ZNF618: variants seen among roughly 807,000 people sequenced by gnomAD.
ZNF618 encodes the protein zinc finger protein 618.
ZNF618 carries 34 observed loss-of-function variants against 103.0 expected under a neutral mutation model. The observed-to-expected ratio is 0.33, with a 90% CI of 0.25 to 0.44. The LOEUF is 0.44. Among genes scored for constraint, ZNF618 ranks in the 20% least tolerant of loss-of-function variants. The pLI is 1.00. For synonymous variants in ZNF618, 551 were observed against 542.2 expected (o/e 1.02, Z -0.23); for missense variants, 1,059 against 1,295.4 (o/e 0.82, Z 2.80).
At chr9:114,013,765 G>A (rs925023320) in intron 9 of ZNF618, among the ~76,000 whole-genome samples, 14 of 152,160 alleles carry the variant, frequency 9.2e-5, no homozygotes, top group African/African-American at 3.4e-4. Flanking sequence ...GGAGGAATTG[G>A]GGAGGGCTTA....
intron 1 of ZNF618, among the ~76,000 whole-genome samples, chr9:113,961,479 T>C (rs1836837769): frequency 6.6e-6 from 1 of 152,230 alleles, no homozygotes; most frequent in South Asian, 2.1e-4. Context: ...AATAGGAACT[T>C]CATAAATATT....
chr9:114,033,389 A>AGAGAG (rs1844272832), intron 12 of ZNF618, among the ~76,000 whole-genome samples: 2 of 147,060 alleles, frequency 1.4e-5, no homozygotes, highest in East Asian at 2.1e-4. Flanking sequence ...CTGTCTCAAA[A>AGAGAG]AGAGAGAGAG....
At chr9:113,953,179 G>C (rs1361989940) in intron 1 of ZNF618, among the ~76,000 whole-genome samples, 1 of 152,200 alleles carries the variant, frequency 6.6e-6, no homozygotes, top group Non-Finnish European at 1.5e-5. Flanking sequence ...AGGTCACCCT[G>C]TTCGGCTCCC....
chr9:113,981,736 C>T (rs898928575), intron 2 of ZNF618, among the ~76,000 whole-genome samples: 4 of 152,190 alleles, frequency 2.6e-5, no homozygotes, highest in African/African-American at 9.6e-5. Flanking sequence ...TTAGTGACAA[C>T]AGTACCAGAA....
chr9:113,920,696 G>A (rs757659302), intron 1 of ZNF618, among the ~76,000 whole-genome samples: 10 of 152,254 alleles, frequency 6.6e-5, no homozygotes, highest in South Asian at 4.1e-4. Context: ...GCCACTGTGC[G>A]AGGCCAAGAG....
intron 1 of ZNF618, among the ~76,000 whole-genome samples, chr9:113,884,976 T>C (rs1828929147): frequency 6.6e-6 from 1 of 152,160 alleles, no homozygotes; most frequent in Non-Finnish European, 1.5e-5. Context: ...ATTAATTTGG[T>C]CTTGAGAAAT....
intron 1 of ZNF618, among the ~76,000 whole-genome samples, chr9:113,915,267 C>T (rs561996511): frequency 2.0e-5 from 3 of 152,256 alleles, no homozygotes; most frequent in East Asian, 3.9e-4. Context: ...CCCTGCCTGT[C>T]GTATGGTGGA....
Position 114,028,911 on chromosome 9 carries a change from C to G in ZNF618, c.1023C>G (p.Ala341=), listed in dbSNP as rs779745682. The G allele has an allele frequency of 1.3e-6, 2 of 1,550,694 alleles. No homozygotes were observed. Among genetic ancestry groups the G allele is most frequent in the East Asian group, 4.9e-5 (2 of 40,914 alleles). ...CATLLHRTPP[A]TQTQTFRTPN... is the part of the protein sequence containing the mutation. ...CCCTCTTACACCGCACCCCTCCAGC[C>G]ACCCAAACCCAGACGTTCCGCACTC... Residue 341 remains alanine (A), a synonymous_variant, in exon 11 of 15, where the codon GCC becomes GCG. Transcript: ENST00000374126.
intron 9 of ZNF618, among the ~76,000 whole-genome samples, chr9:114,014,903 A>G (rs1842531491): frequency 6.6e-6 from 1 of 152,190 alleles, no homozygotes; most frequent in Non-Finnish European, 1.5e-5. Flanking sequence ...ATGTTACTAA[A>G]TATAGTTCAC....
chr9:114,016,319 C>T (rs1339621777), intron 9 of ZNF618: 19 of 690,362 alleles, frequency 2.8e-5, no homozygotes, highest in South Asian at 1.1e-4. Context: ...AAGGGGCTGA[C>T]GAAGAGGTTG....
At chr9:113,971,360 C>T (rs1414710114) in intron 2 of ZNF618, among the ~76,000 whole-genome samples, 2 of 152,082 alleles carry the variant, frequency 1.3e-5, no homozygotes. Context: ...AAAGCTGGTG[C>T]TTTCTCCACT....
rs745754398 is a variant in ZNF618 at position 114,050,359 on chromosome 9, C to T, written c.*192C>T. On this transcript the variant is annotated 3_prime_UTR_variant, in exon 15 of 15. Coordinates refer to ENST00000374126, the MANE Select transcript of ZNF618 (RefSeq NM_001318042.2). Reference sequence around the variant, plus strand: ...ATGTACACAGCCACACGTGTGTGCACGTGTCTGAACACGTGCTGTGGTTGT... The same window carrying T: ...ATGTACACAGCCACACGTGTGTGCATGTGTCTGAACACGTGCTGTGGTTGT... 2.3e-5 allele frequency: 14 copies of T among 620,378 alleles called. No homozygotes were observed. Among genetic ancestry groups the T allele is most frequent in the African/African-American group, 9.3e-5 (5 of 53,920 alleles). 38.4% of individuals were successfully genotyped at this position (620,378 alleles called of 1,614,324 possible).
chr9:113,926,738 C>T (rs1362601719), intron 1 of ZNF618, among the ~76,000 whole-genome samples: 2 of 152,196 alleles, frequency 1.3e-5, no homozygotes, highest in Non-Finnish European at 2.9e-5. Flanking sequence ...CCCAAATCTG[C>T]ACTGTAGCTC....
rs181594762 is a variant in ZNF618, at chr9:113,891,124, G to A, written c.33+14711G>A. Among the ~76,000 whole-genome samples the A allele has an allele frequency of 1.1e-4, 17 of 152,238 alleles. No homozygotes were observed. The East Asian group carries it at 3.1e-3, about 28-fold the overall frequency. On this transcript the variant is annotated intron_variant, in intron 1 of 14. Coordinates refer to ENST00000374126, the MANE Select transcript of ZNF618 (RefSeq NM_001318042.2). ...ACTTTTTAAAAATATTTATATTTGT[G>A]TGTTTTGGATTCTTCGTGTGTATGT...
rs1199703398 is a variant in ZNF618 at position 114,028,753 on chromosome 9, C to A, written c.865C>A (p.Pro289Thr). The change falls in exon 11 of 15, where the codon CCA becomes ACA. Residue 289 changes from proline (P) to threonine (T), a missense_variant. Transcript: ENST00000374126. ...CTCAGGTACTGCCCCCGGGTGGGAG[C>A]CACCGGATGATCCAGACACGGGCTC... is the stretch of plus-strand genomic sequence containing the variant. ...APISTAPGWE[P>T]PDDPDTGSEC... is the part of the protein sequence containing the mutation. The A allele has an allele frequency of 6.5e-7, 1 of 1,550,274 alleles. No individual in the cohort carries two copies. The highest frequency in any genetic ancestry group is 1.4e-5 in the African/African-American group (1 of 73,024).
intron 1 of ZNF618, among the ~76,000 whole-genome samples, chr9:113,939,748 G>T (rs976262336): frequency 6.6e-6 from 1 of 151,638 alleles, no homozygotes; most frequent in Non-Finnish European, 1.5e-5. Context: ...TTAATATAAA[G>T]TCTTCCTTCC....
rs1163417405 is a variant in ZNF618, at chr9:113,900,668, C to G, written c.33+24255C>G. The stretch of plus-strand genomic sequence containing the variant: ...CGAGCTCCCGTCTCCTAGCACCGTC[C>G]TCTCCCGCAAACCCGACCTGCTGTC... On this transcript the variant is annotated intron_variant, in intron 1 of 14. Transcript: ENST00000374126. 2.7e-5 allele frequency among the ~76,000 whole-genome samples: 4 copies of G among 148,534 alleles called. No homozygotes were observed. The East Asian group carries it at 6.1e-4, about 23-fold the overall frequency.
At chr9:113,959,541 A>G (rs1564219733) in intron 1 of ZNF618, among the ~76,000 whole-genome samples, 1 of 152,190 alleles carries the variant, frequency 6.6e-6, no homozygotes, top group Non-Finnish European at 1.5e-5. Flanking sequence ...GGTGAGTCCC[A>G]CATAGCCCTG....
chr9:114,003,364 G>A (rs925468481), intron 6 of ZNF618, among the ~76,000 whole-genome samples: 5 of 152,356 alleles, frequency 3.3e-5, no homozygotes, highest in South Asian at 2.1e-4. Context: ...ACAGTTCCAC[G>A]TGTAGGTATG....
Sources: gnomAD v4.1 joint callset for allele counts (sites outside exome capture counted in the v4.1 genomes callset) on GRCh38, gnomAD v4.1.1 for gene constraint, MANE v1.5 for transcripts, NCBI Gene and HGNC (gene_info 2026-07-23, HGNC 2026-07-21) for gene names.